Variants in CD44 observed in about 807,000 individuals in gnomAD.
The protein encoded by CD44 is CD44 molecule (IN blood group).
A neutral mutation model predicts 88.8 loss-of-function variants in CD44; 49 were observed. That is an observed-to-expected ratio of 0.55 (90% CI 0.44 to 0.70). The LOEUF (loss-of-function observed/expected upper bound fraction) is 0.70. Ranked by LOEUF, CD44 falls within the 30% of genes least tolerant of loss-of-function variation. CD44 has a pLI of 0.00. For missense variants in CD44, 883 were observed against 913.8 expected (o/e 0.97, Z 0.43); for synonymous variants, 325 against 312.3 (o/e 1.04, Z -0.43).
chr11:35,153,454 C>T (rs1279132393), intron 1 of CD44, among the ~76,000 whole-genome samples: 7 of 152,050 alleles, frequency 4.6e-5, no homozygotes, highest in African/African-American at 1.7e-4. Flanking sequence ...CCATAAGGCC[C>T]ACAGCAACCT....
intron 5 of CD44, among the ~76,000 whole-genome samples, chr11:35,195,186 G>C (rs1400848593): frequency 2.6e-5 from 4 of 152,286 alleles, no homozygotes; most frequent in African/African-American, 9.6e-5. Flanking sequence ...AGATTACAAG[G>C]ACACCCTCAT....
At chr11:35,150,091 C>G (rs985887821) in intron 1 of CD44, among the ~76,000 whole-genome samples, 3 of 152,158 alleles carry the variant, frequency 2.0e-5, no homozygotes, top group Admixed American at 1.3e-4. Context: ...CTTCACATGG[C>G]CAGAAAAGCC....
intron 10 of CD44, 172 bp downstream of exon 10, chr11:35,204,812 G>A (rs771552204): frequency 1.7e-5 from 10 of 583,994 alleles, no homozygotes; most frequent in Middle Eastern, 3.9e-4. Context: ...CTCATAACAA[G>A]TCACCTGAAC....
intron 1 of CD44, among the ~76,000 whole-genome samples, chr11:35,151,950 G>T (rs989064333): frequency 1.3e-5 from 2 of 152,268 alleles, no homozygotes; most frequent in African/African-American, 2.4e-5. Context: ...CCTGGCAAAG[G>T]GTCCCTTCTT....
intron 1 of CD44, among the ~76,000 whole-genome samples, chr11:35,165,752 A>T (rs1289500308): frequency 6.6e-6 from 1 of 152,222 alleles, no homozygotes; most frequent in Non-Finnish European, 1.5e-5. Flanking sequence ...ACAGGGAGTT[A>T]TTCAAGGTCA....
At chr11:35,201,613 G>T in intron 8 of CD44, 58 bp from the exon 9 acceptor site, 1 of 1,597,484 alleles carries the variant, frequency 6.3e-7, no homozygotes, top group South Asian at 1.1e-5. Context: ...TGGAAGAATA[G>T]AATCATTAAA....
intron 11 of CD44, 61 bp downstream of exon 11, chr11:35,206,304 C>G: frequency 6.7e-7 from 1 of 1,497,022 alleles, no homozygotes; most frequent in Non-Finnish European, 9.0e-7. Flanking sequence ...TGACTGCTGA[C>G]TATTTTTCTA....
chr11:35,156,574 C>T (rs1462683446), intron 1 of CD44, among the ~76,000 whole-genome samples: 1 of 152,200 alleles, frequency 6.6e-6, no homozygotes, highest in Non-Finnish European at 1.5e-5. Context: ...GACTGGCCGG[C>T]TGGTTCCTAA....
chr11:35,211,218 G>A (rs1252216310), intron 13 of CD44, 28 bp from the exon 14 acceptor site: 2 of 1,571,326 alleles, frequency 1.3e-6, no homozygotes. Flanking sequence ...ACAAATACGG[G>A]TTCATCACTG....
intron 14 of CD44, 37 bp downstream of exon 14, chr11:35,211,486 T>C (rs1375339036): frequency 6.8e-7 from 1 of 1,476,348 alleles, no homozygotes; most frequent in Admixed American, 1.7e-5. Context: ...GCTTTCTCTA[T>C]ATAGAGAAAC....
At chr11:35,149,683 C>G (rs550319316) in intron 1 of CD44, among the ~76,000 whole-genome samples, 3 of 152,308 alleles carry the variant, frequency 2.0e-5, no homozygotes, top group African/African-American at 7.2e-5. Context: ...GCCTCATGTT[C>G]TATAAATTCA....
At chr11:35,143,376 A>T (rs1858403034) in intron 1 of CD44, among the ~76,000 whole-genome samples, 1 of 150,814 alleles carries the variant, frequency 6.6e-6, no homozygotes, top group Non-Finnish European at 1.5e-5. Context: ...TCTATACTAG[A>T]TGTGAAGCCG....
intron 14 of CD44, among the ~76,000 whole-genome samples, chr11:35,212,320 G>A (rs926811812): frequency 1.3e-5 from 2 of 151,900 alleles, no homozygotes; most frequent in Non-Finnish European, 2.9e-5. Context: ...AGAGACTTTA[G>A]ATACATAATT....
chr11:35,140,308 CT>C lies in CD44; in HGVS notation c.67+941del, dbSNP rs1564985983. Among the ~76,000 whole-genome samples, 3 of 152,352 alleles carry C rather than the reference CT, an allele frequency of 2.0e-5. No homozygotes were observed. In the East Asian group the frequency reaches 5.8e-4, roughly 29 times the overall value. On this transcript the variant is annotated intron_variant, in intron 1 of 17. Coordinates refer to ENST00000428726, the MANE Select transcript of CD44 (RefSeq NM_000610.4). Reference sequence around the variant, plus strand: ...CGGCTCAACTCCAAGCATTCTCTTTCTTTGTCTATGTATGTACAGATAATTA... The same window carrying C: ...CGGCTCAACTCCAAGCATTCTCTTTCTTGTCTATGTATGTACAGATAATTA...
chr11:35,222,269 T>G (rs555058212), intron 17 of CD44: 1 of 497,736 alleles, frequency 2.0e-6, no homozygotes, highest in Non-Finnish European at 3.8e-6. Flanking sequence ...GAAGGAAGTA[T>G]TGGCCTTGTG....
At chr11:35,199,540 A>G (rs1947089386) in intron 7 of CD44, among the ~76,000 whole-genome samples, 1 of 152,190 alleles carries the variant, frequency 6.6e-6, no homozygotes, top group Non-Finnish European at 1.5e-5. Flanking sequence ...ATGGACAGAG[A>G]AGAAAGGGTC....
chr11:35,200,988 T>C, intron 7 of CD44, 94 bp from the exon 8 acceptor site: 1 of 884,946 alleles, frequency 1.1e-6, no homozygotes, highest in Non-Finnish European at 1.9e-6. Context: ...GATGATTCAT[T>C]GCATAGCCTA....
intron 14 of CD44, chr11:35,213,679 C>T (rs1036737716): frequency 6.6e-6 from 1 of 150,668 alleles, no homozygotes; most frequent in Non-Finnish European, 1.5e-5. Context: ...CATTTAGAAT[C>T]ATAGTGGCAG....
Position 35,230,058 on chromosome 11 carries a change from A to G in CD44, c.*725A>G. On this transcript the variant is annotated 3_prime_UTR_variant, in exon 18 of 18. Coordinates refer to ENST00000428726, the MANE Select transcript of CD44 (RefSeq NM_000610.4). The stretch of plus-strand genomic sequence containing the variant: ...TGTGCTGTGATTCTTCAGTTTCTAA[A>G]CCAGCACTGTCTGGGTCCCTACAAT... 6.6e-6 allele frequency: 1 copy of G among 152,220 alleles called. No individual in the cohort carries two copies. Among genetic ancestry groups the G allele is most frequent in the East Asian group, 1.9e-4 (1 of 5,204 alleles). 9.4% of individuals were successfully genotyped at this position (152,220 alleles called of 1,614,324 possible). A position where few individuals can be genotyped will look rare whatever the true frequency, so the allele number is the denominator to read the frequency against.
Sources: allele counts gnomAD v4.1 joint callset (sites outside exome capture counted in the v4.1 genomes callset), GRCh38; gene constraint gnomAD v4.1.1; transcripts MANE v1.5; gene names NCBI Gene and HGNC (gene_info 2026-07-23, HGNC 2026-07-21).